Variants in AFF3 observed in about 807,000 individuals in gnomAD.
AFF3 encodes the protein ALF transcription elongation factor 3.
Under a neutral mutation model 129.7 loss-of-function variants are expected in AFF3, and 32 were observed. The observed-to-expected ratio is 0.25, with a 90% CI of 0.19 to 0.33. AFF3 has a LOEUF of 0.33. Among genes scored for constraint, AFF3 ranks in the 10% least tolerant of loss-of-function variants. AFF3 has a pLI of 1.00. For missense variants in AFF3, 1,373 were observed against 1,592.0 expected, an observed-to-expected ratio of 0.86 and a Z score of 2.34; for synonymous variants, 644 against 635.4, an observed-to-expected ratio of 1.01 and a Z score of -0.20.
chr2:99,866,014 C>T (rs545969864), intron 7 of AFF3, among the ~76,000 whole-genome samples: 17 of 152,316 alleles, frequency 1.1e-4, no homozygotes, highest in African/African-American at 2.6e-4. Context: ...GGAAAACTTT[C>T]GCAATACTCA....
intron 7 of AFF3, among the ~76,000 whole-genome samples, chr2:99,848,657 C>A (rs1295139155): frequency 6.6e-6 from 1 of 152,104 alleles, no homozygotes; most frequent in African/African-American, 2.4e-5. Flanking sequence ...AAAAAATGAT[C>A]ATTTTGTGAT....
intron 19 of AFF3, among the ~76,000 whole-genome samples, chr2:99,567,612 T>C (rs1246011654): frequency 6.6e-6 from 1 of 151,838 alleles, no homozygotes; most frequent in Non-Finnish European, 1.5e-5. Context: ...TTTGGCTAGA[T>C]TTGGGGAGGA....
intron 2 of AFF3, chr2:100,107,320 A>G (rs1393789410): frequency 6.1e-6 from 6 of 985,286 alleles, no homozygotes; most frequent in South Asian, 9.4e-5. Flanking sequence ...AGATGTTCCT[A>G]TTATCCTCCA....
chr2:99,778,426 A>G (rs563641863), intron 8 of AFF3, among the ~76,000 whole-genome samples: 1 of 152,338 alleles, frequency 6.6e-6, no homozygotes, highest in South Asian at 2.1e-4. Flanking sequence ...CATAGAAAGC[A>G]ATAGATGTAT....
At chr2:99,894,204 CCTTT>C (rs1329639805) in intron 7 of AFF3, among the ~76,000 whole-genome samples, 3 of 150,122 alleles carry the variant, frequency 2.0e-5, no homozygotes, top group Non-Finnish European at 4.4e-5. Context: ...TGCCTGGATG[CCTTT>C]TTTTGAAAAA....
intron 7 of AFF3, among the ~76,000 whole-genome samples, chr2:99,840,682 G>A (rs1481476294): frequency 6.6e-6 from 1 of 152,088 alleles, no homozygotes; most frequent in Non-Finnish European, 1.5e-5. Flanking sequence ...CCTTACCACA[G>A]GACTGCTCTG....
chr2:100,054,148 AG>A (rs1228973610), intron 4 of AFF3, among the ~76,000 whole-genome samples: 1 of 152,194 alleles, frequency 6.6e-6, no homozygotes, highest in African/African-American at 2.4e-5. Flanking sequence ...TGGAGTGAGA[AG>A]ACCTAATAAC....
At chr2:99,878,914 T>C (rs774806538) in intron 7 of AFF3, among the ~76,000 whole-genome samples, 29 of 152,154 alleles carry the variant, frequency 1.9e-4, no homozygotes, top group Non-Finnish European at 2.4e-4. Context: ...TTCAAATATC[T>C]AAATGAAACT....
chr2:100,031,110 T>C (rs895619379), intron 4 of AFF3, among the ~76,000 whole-genome samples: 1 of 152,150 alleles, frequency 6.6e-6, no homozygotes, highest in Non-Finnish European at 1.5e-5. Context: ...ATAATAACTT[T>C]AGAAATAAGT....
At chr2:99,855,089 G>A (rs1472553760) in intron 7 of AFF3, among the ~76,000 whole-genome samples, 1 of 151,874 alleles carries the variant, frequency 6.6e-6, no homozygotes, top group Non-Finnish European at 1.5e-5. Flanking sequence ...TTGGGGTTAC[G>A]AAAATATTTC....
At chr2:99,775,911 A>G (rs1309478607) in intron 8 of AFF3, among the ~76,000 whole-genome samples, 1 of 152,228 alleles carries the variant, frequency 6.6e-6, no homozygotes, top group Non-Finnish European at 1.5e-5. Context: ...CAACTAGCAC[A>G]CAGAAGGAAA....
At chr2:99,572,672 T>C (rs1676613981) in intron 18 of AFF3, 3 of 455,778 alleles carry the variant, frequency 6.6e-6, no homozygotes, top group Non-Finnish European at 1.3e-5. Flanking sequence ...ATCCGATATG[T>C]CAGCTTGTCA....
intron 4 of AFF3, among the ~76,000 whole-genome samples, chr2:100,044,979 C>T (rs936696285): frequency 2.6e-5 from 4 of 152,104 alleles, no homozygotes; most frequent in Middle Eastern, 3.2e-3. Flanking sequence ...GTGGACAAGA[C>T]GGCAATCTGC....
intron 4 of AFF3, among the ~76,000 whole-genome samples, chr2:100,073,762 C>G (rs935363481): frequency 6.6e-6 from 1 of 152,158 alleles, no homozygotes; most frequent in Non-Finnish European, 1.5e-5. Context: ...AAGGGCTTTT[C>G]AGATGACCTC....
intron 8 of AFF3, among the ~76,000 whole-genome samples, chr2:99,759,444 T>TA (rs3072581): frequency 1.3e-5 from 2 of 151,918 alleles, no homozygotes; most frequent in Non-Finnish European, 2.9e-5. Flanking sequence ...AGAGGGATAT[T>TA]TACTTATCTT....
At chr2:99,841,940 T>G (rs1689345764) in intron 7 of AFF3, among the ~76,000 whole-genome samples, 1 of 152,168 alleles carries the variant, frequency 6.6e-6, no homozygotes, top group Non-Finnish European at 1.5e-5. Flanking sequence ...GGGGTAAATT[T>G]CCTCCTCCTT....
chr2:99,800,433 G>A (rs1166873262), intron 8 of AFF3, among the ~76,000 whole-genome samples: 1 of 152,170 alleles, frequency 6.6e-6, no homozygotes, highest in Non-Finnish European at 1.5e-5. Context: ...AGGATGTGGA[G>A]AAACAACAAC....
chr2:99,950,705 A>G (rs563256136), intron 7 of AFF3, among the ~76,000 whole-genome samples: 1 of 152,324 alleles, frequency 6.6e-6, no homozygotes, highest in East Asian at 1.9e-4. Flanking sequence ...CATTTAGCAA[A>G]TATTTCATAA....
At chr2:99,569,954 T>G (rs1404386944) in intron 18 of AFF3, among the ~76,000 whole-genome samples, 1 of 152,220 alleles carries the variant, frequency 6.6e-6, no homozygotes, top group Non-Finnish European at 1.5e-5. Flanking sequence ...AACATTCATG[T>G]ATCCAAAGAG....
Sources: gnomAD v4.1 joint callset for allele counts (sites outside exome capture counted in the v4.1 genomes callset) on GRCh38, gnomAD v4.1.1 for gene constraint, MANE v1.5 for transcripts, NCBI Gene and HGNC (gene_info 2026-07-23, HGNC 2026-07-21) for gene names.